The following SLC26A7 variants were observed in gnomAD, a reference collection of about 807,000 sequenced individuals.
SLC26A7 encodes the protein anion exchange transporter.
In SLC26A7, 59 loss-of-function variants were observed where a neutral mutation model predicts 82.5. The observed-to-expected ratio is 0.72, with a 90% CI of 0.58 to 0.89. SLC26A7 has a LOEUF of 0.89. SLC26A7 is among the 40% of genes least tolerant of loss of function. The pLI is 0.00. For synonymous variants in SLC26A7, 271 were observed against 274.3 expected (o/e 0.99, Z 0.12); for missense variants, 820 against 793.0 (o/e 1.03, Z -0.41).
intron 15 of SLC26A7, among the ~76,000 whole-genome samples, chr8:91,374,112 C>T (rs891954925): frequency 2.6e-5 from 4 of 151,754 alleles, no homozygotes; most frequent in Non-Finnish European, 5.9e-5. Flanking sequence ...TGAATCTTCT[C>T]TCTTTTTTTT....
intron 2 of SLC26A7, among the ~76,000 whole-genome samples, chr8:91,260,536 C>T (rs1417072887): frequency 6.6e-6 from 1 of 152,080 alleles, no homozygotes; most frequent in African/African-American, 2.4e-5. Flanking sequence ...TCCTGAGTTC[C>T]AGGAAACACT....
intron 2 of SLC26A7, among the ~76,000 whole-genome samples, chr8:91,280,724 C>T (rs544428526): frequency 3.9e-5 from 6 of 152,072 alleles, no homozygotes; most frequent in South Asian, 2.1e-4. Context: ...TTTATTTTTC[C>T]GTCTTTTCAT....
intron 15 of SLC26A7, among the ~76,000 whole-genome samples, chr8:91,386,888 A>C (rs910537183): frequency 6.6e-6 from 1 of 152,214 alleles, no homozygotes; most frequent in African/African-American, 2.4e-5. Flanking sequence ...TTTCTAAAAA[A>C]AGTTTGAAAA....
At chr8:91,234,870 T>C (rs1166927916) in intron 2 of SLC26A7, among the ~76,000 whole-genome samples, 1 of 148,672 alleles carries the variant, frequency 6.7e-6, no homozygotes, top group Non-Finnish European at 1.5e-5. Context: ...CTTCCTTCCC[T>C]TCTTCCCTCC....
At chr8:91,262,383 T>A (rs1810993103) in intron 2 of SLC26A7, among the ~76,000 whole-genome samples, 3 of 152,044 alleles carry the variant, frequency 2.0e-5, no homozygotes, top group Admixed American at 1.3e-4. Context: ...GAAAGGAGTC[T>A]GAATTACAAT....
intron 16 of SLC26A7, among the ~76,000 whole-genome samples, chr8:91,389,825 T>C (rs1004380477): frequency 4.6e-5 from 7 of 152,164 alleles, no homozygotes; most frequent in African/African-American, 1.7e-4. Context: ...AGGTTTTCTC[T>C]TACATCACGG....
intron 5 of SLC26A7, among the ~76,000 whole-genome samples, chr8:91,319,543 T>C (rs1328513136): frequency 6.6e-6 from 1 of 152,206 alleles, no homozygotes; most frequent in Non-Finnish European, 1.5e-5. Context: ...GATTCATTCA[T>C]TGTAAGAATG....
At chr8:91,376,859 G>C (rs1340437811) in intron 15 of SLC26A7, among the ~76,000 whole-genome samples, 1 of 152,084 alleles carries the variant, frequency 6.6e-6, no homozygotes, top group Admixed American at 6.5e-5. Context: ...GAGCTGGCAG[G>C]AATGCAGTTT....
chr8:91,254,717 A>C (rs1350951475), intron 2 of SLC26A7, among the ~76,000 whole-genome samples: 2 of 152,178 alleles, frequency 1.3e-5, no homozygotes, highest in Non-Finnish European at 1.5e-5. Flanking sequence ...GAAAGATAAA[A>C]GAAACTTCAG....
intron 15 of SLC26A7, among the ~76,000 whole-genome samples, chr8:91,376,283 C>T (rs566901570): frequency 6.6e-6 from 1 of 152,186 alleles, no homozygotes; most frequent in Non-Finnish European, 1.5e-5. Flanking sequence ...TTGGAGGTGT[C>T]AAGACACTCT....
chr8:91,317,403 C>A (rs1467838048), intron 4 of SLC26A7, among the ~76,000 whole-genome samples: 1 of 152,140 alleles, frequency 6.6e-6, no homozygotes, highest in African/African-American at 2.4e-5. Flanking sequence ...TTTTGCGGTG[C>A]CACATATACA....
intron 9 of SLC26A7, among the ~76,000 whole-genome samples, chr8:91,349,222 G>A (rs747608673): frequency 1.3e-4 from 20 of 149,950 alleles, no homozygotes; most frequent in Admixed American, 6.7e-4. Flanking sequence ...AGGCAAGTGC[G>A]TCAAGGGAGC....
chr8:91,388,380 T>A (rs929927545), intron 15 of SLC26A7, among the ~76,000 whole-genome samples: 1 of 151,392 alleles, frequency 6.6e-6, no homozygotes, highest in Non-Finnish European at 1.5e-5. Context: ...CCGAGCGGGA[T>A]TTTTTTTTAG....
intron 3 of SLC26A7, among the ~76,000 whole-genome samples, chr8:91,293,738 A>T (rs866668197): frequency 6.6e-5 from 10 of 152,220 alleles, no homozygotes; most frequent in African/African-American, 2.2e-4. Context: ...ATATGTTTTT[A>T]AAAAATTCTG....
chr8:91,295,752 G>T lies in SLC26A7; in HGVS notation c.477+49G>T, dbSNP rs769485744. 1.9e-6 allele frequency: 3 copies of T among 1,539,852 alleles called. No individual in the cohort carries two copies. The Admixed American group carries it at 5.7e-5, about 29-fold the overall frequency. On this transcript the variant is annotated intron_variant, in intron 4 of 18. Coordinates refer to ENST00000276609, the MANE Select transcript of SLC26A7 (RefSeq NM_052832.4). ...ACAAAGAAAGGGACACAGCGGCACA[G>T]GGAAGGCAGCTGGTGTTTTATTTTT...
Position 91,249,721 on chromosome 8 carries a change from A to G in SLC26A7, c.70A>G (p.Ile24Val), listed in dbSNP as rs746463705. 3 of 1,609,016 alleles carry G rather than the reference A, an allele frequency of 1.9e-6. No homozygotes were observed. In the South Asian group the frequency reaches 3.3e-5, roughly 18 times the overall value. The stretch of plus-strand genomic sequence containing the variant: ...GATGCATACCCCCCAGTGTGAAGAC[A>G]TTATACAGTGGTGTAGAAGGCGACT... ...SKMHTPQCED[I>V]IQWCRRRLPI... The change falls in exon 2 of 19, where the codon ATT becomes GTT. Residue 24 changes from isoleucine (I) to valine (V), a missense_variant. Transcript: ENST00000276609.
Position 91,251,236 on chromosome 8 carries a change from A to G in SLC26A7, c.193+1392A>G, listed in dbSNP as rs187476526. Among the ~76,000 whole-genome samples the G allele has an allele frequency of 5.3e-5, 8 of 152,232 alleles. No homozygotes were observed. The East Asian group carries it at 9.7e-4, about 18-fold the overall frequency. ...GTATCATTAGTGATACTATTTATGT[A>G]TAAGTTTCAGTAGTTAATTATATGG... On this transcript the variant is annotated intron_variant, in intron 2 of 18. Transcript: ENST00000276609.
chr8:91,381,004 T>C (rs1161352061), intron 15 of SLC26A7, among the ~76,000 whole-genome samples: 1 of 152,126 alleles, frequency 6.6e-6, no homozygotes, highest in Non-Finnish European at 1.5e-5. Context: ...ATATACATCT[T>C]ATAAACAATG....
At chr8:91,248,020 T>C (rs546446082), upstream of SLC26A7, among the ~76,000 whole-genome samples, 10 of 152,244 alleles carry the variant, frequency 6.6e-5, no homozygotes, top group East Asian at 1.7e-3. Flanking sequence ...GGAAAACCAA[T>C]GTAATGTTTC....
Sources: gnomAD v4.1 joint callset for allele counts (sites outside exome capture counted in the v4.1 genomes callset) on GRCh38, gnomAD v4.1.1 for gene constraint, MANE v1.5 for transcripts, NCBI Gene and HGNC (gene_info 2026-07-23, HGNC 2026-07-21) for gene names.